ABCC4: variants seen among roughly 807,000 people sequenced by gnomAD.
ABCC4 encodes ATP-binding cassette sub-family C member 4.
A neutral mutation model predicts 168.5 loss-of-function variants in ABCC4; 102 were observed. The observed-to-expected ratio is 0.61, with a 90% CI of 0.52 to 0.71. ABCC4 has a LOEUF of 0.71. ABCC4 is among the 30% of genes least tolerant of loss of function. ABCC4 has a pLI of 0.00. For synonymous variants in ABCC4, 617 were observed against 590.7 expected (o/e 1.04, Z -0.65); for missense variants, 1,402 against 1,605.8 (o/e 0.87, Z 2.17).
intron 1 of ABCC4, among the ~76,000 whole-genome samples, chr13:95,254,151 G>C (rs2040337595): frequency 1.3e-5 from 2 of 152,136 alleles, no homozygotes; most frequent in Non-Finnish European, 2.9e-5. Context: ...CCCCACCTTG[G>C]CCTCCCAAAG....
intron 13 of ABCC4, among the ~76,000 whole-genome samples, chr13:95,176,965 A>G (rs2037724653): frequency 6.6e-6 from 1 of 152,256 alleles, no homozygotes; most frequent in Admixed American, 6.5e-5. Context: ...TCCATGGCTC[A>G]GTGTCTAAGC....
chr13:95,104,913 G>C lies in ABCC4; in HGVS notation c.2535+11009C>G, dbSNP rs2034948430. On this transcript the variant is annotated intron_variant, in intron 20 of 30. Transcript: ENST00000645237. ...TCAACCTTTTTGGCACCAGGGACTG[G>C]TTTCGCGGAGGACAATTTTTCCATG... is the stretch of plus-strand genomic sequence containing the variant. 2.0e-5 allele frequency among the ~76,000 whole-genome samples: 3 copies of C among 152,178 alleles called. No homozygotes were observed. In the South Asian group the frequency reaches 6.2e-4, roughly 32 times the overall value.
chr13:95,202,134 G>A (rs529238076), intron 8 of ABCC4, among the ~76,000 whole-genome samples: 21 of 152,258 alleles, frequency 1.4e-4, no homozygotes, highest in South Asian at 2.1e-4. Context: ...TAATGTCAGC[G>A]GGGCTCATCC....
intron 25 of ABCC4, among the ~76,000 whole-genome samples, chr13:95,064,359 A>G (rs371830421): frequency 6.6e-6 from 1 of 150,494 alleles, no homozygotes; most frequent in African/African-American, 2.4e-5. Flanking sequence ...TTCAAGACAG[A>G]GGTGTCACAA....
At chr13:95,240,267 G>T (rs1829330172) in intron 3 of ABCC4, among the ~76,000 whole-genome samples, 1 of 152,198 alleles carries the variant, frequency 6.6e-6, no homozygotes, top group African/African-American at 2.4e-5. Context: ...ACGCGGCTGG[G>T]CGCGATGTAA....
Position 95,186,683 on chromosome 13 carries a change from C to CCAAAAGT in ABCC4, c.1545+11_1545+17dup, listed in dbSNP as rs749755307. On this transcript the variant is annotated intron_variant, in intron 11 of 30. Transcript: ENST00000645237. ...TACTGGACATTCGAGTACATGAAAT[C>CCAAAAGT]CAAAAGTCATCACTCACCTTTTTCA... is the stretch of plus-strand genomic sequence containing the variant. The CCAAAAGT allele has an allele frequency of 6.2e-7, 1 of 1,606,032 alleles. No individual in the cohort carries two copies. The highest frequency in any genetic ancestry group is 1.3e-5 in the African/African-American group (1 of 74,580).
At chr13:95,175,794 TG>T (rs1451907773) in intron 13 of ABCC4, among the ~76,000 whole-genome samples, 2 of 152,206 alleles carry the variant, frequency 1.3e-5, no homozygotes, top group African/African-American at 4.8e-5. Flanking sequence ...GCAGATGCAT[TG>T]ATCTCACACA....
intron 4 of ABCC4, among the ~76,000 whole-genome samples, chr13:95,214,311 A>G (rs1246913692): frequency 6.6e-6 from 1 of 152,240 alleles, no homozygotes; most frequent in African/African-American, 2.4e-5. Context: ...AAGAATATTA[A>G]GCAATAAAAT....
intron 4 of ABCC4, among the ~76,000 whole-genome samples, chr13:95,216,726 G>C (rs4771907): frequency 0.75 from 113,240 of 151,794 alleles, 43,018 homozygotes; most frequent in Non-Finnish European, 0.84. Context: ...TTTCACCTAT[G>C]AAAATTGGTG....
intron 23 of ABCC4, 162 bp from the exon 24 acceptor site, chr13:95,073,466 C>T (rs2033798516): frequency 2.2e-6 from 1 of 462,306 alleles, no homozygotes; most frequent in Middle Eastern, 4.7e-4. Flanking sequence ...GATCAAGATA[C>T]AATGGGGAAA....
chr13:95,042,403 C>G (rs929460222), intron 29 of ABCC4, among the ~76,000 whole-genome samples: 1 of 152,054 alleles, frequency 6.6e-6, no homozygotes, highest in African/African-American at 2.4e-5. Flanking sequence ...AGGGCATGAC[C>G]GCAACAGTGA....
chr13:95,101,300 G>A (rs561298053), intron 20 of ABCC4, among the ~76,000 whole-genome samples: 2 of 152,014 alleles, frequency 1.3e-5, no homozygotes, highest in East Asian at 3.9e-4. Context: ...CTAGTCCTTT[G>A]TGTTCCATGA....
At chr13:95,280,644 G>A (rs1566595981) in intron 1 of ABCC4, among the ~76,000 whole-genome samples, 1 of 149,472 alleles carries the variant, frequency 6.7e-6, no homozygotes. Context: ...TTCTGTGTCT[G>A]TGAGACGGCT....
chr13:95,211,464 G>A (rs1199690020), intron 4 of ABCC4, among the ~76,000 whole-genome samples: 2 of 152,174 alleles, frequency 1.3e-5, no homozygotes, highest in African/African-American at 2.4e-5. Flanking sequence ...TTTATGGAGG[G>A]AAGGGAAGGG....
At chr13:95,103,984 A>G (rs2034907463) in intron 20 of ABCC4, among the ~76,000 whole-genome samples, 2 of 152,150 alleles carry the variant, frequency 1.3e-5, no homozygotes, top group African/African-American at 4.8e-5. Context: ...AGGAAGCCTT[A>G]CCAGCTTCCC....
chr13:95,264,377 C>A (rs922123660), intron 1 of ABCC4, among the ~76,000 whole-genome samples: 2 of 152,140 alleles, frequency 1.3e-5, no homozygotes, highest in Non-Finnish European at 2.9e-5. Flanking sequence ...ATTATCTCCC[C>A]ATAAAACACT....
intron 27 of ABCC4, among the ~76,000 whole-genome samples, chr13:95,047,962 CCA>C (rs1168364225): frequency 5.3e-5 from 8 of 152,082 alleles, no homozygotes; most frequent in African/African-American, 1.9e-4. Context: ...TGCTATAGCT[CCA>C]GAGTCTACAA....
intron 20 of ABCC4, among the ~76,000 whole-genome samples, chr13:95,100,660 G>A (rs2034766828): frequency 1.3e-5 from 2 of 152,214 alleles, no homozygotes; most frequent in South Asian, 4.2e-4. Flanking sequence ...CTCTAGGGCT[G>A]GCATTTTCAC....
chr13:95,139,962 G>T (rs1263475095), intron 19 of ABCC4, among the ~76,000 whole-genome samples: 2 of 152,160 alleles, frequency 1.3e-5, no homozygotes, highest in African/African-American at 4.8e-5. Flanking sequence ...CTGACCTCCT[G>T]ATCTCTAGTT....
Sources: allele counts gnomAD v4.1 joint callset (sites outside exome capture counted in the v4.1 genomes callset), GRCh38; gene constraint gnomAD v4.1.1; transcripts MANE v1.5; gene names NCBI Gene and HGNC (gene_info 2026-07-23, HGNC 2026-07-21).